SETD5: variants seen among roughly 807,000 people sequenced by gnomAD.
SETD5 encodes the protein SET domain containing 5.
SETD5 carries 44 observed loss-of-function variants against 153.3 expected under a neutral mutation model. The observed-to-expected ratio is 0.29, with a 90% CI of 0.23 to 0.37. The LOEUF (loss-of-function observed/expected upper bound fraction) is 0.37. SETD5 is among the 10% of genes least tolerant of loss of function. The pLI is 1.00. For missense variants in SETD5, 1,544 were observed against 1,768.0 expected (o/e 0.87, Z 2.27); for synonymous variants, 716 against 645.2 (o/e 1.11, Z -1.66).
At chr3:9,420,695 C>T (rs1007737390) in intron 1 of SETD5, among the ~76,000 whole-genome samples, 1 of 152,076 alleles carries the variant, frequency 6.6e-6, no homozygotes, top group Non-Finnish European at 1.5e-5. Flanking sequence ...CATTAACTTG[C>T]TTCAGATTAT....
chr3:9,416,301 T>C (rs2037449359), intron 1 of SETD5, among the ~76,000 whole-genome samples: 1 of 152,210 alleles, frequency 6.6e-6, no homozygotes, highest in Non-Finnish European at 1.5e-5. Flanking sequence ...TCAGTCCTTA[T>C]CTTTAGTACA....
intron 17 of SETD5, among the ~76,000 whole-genome samples, chr3:9,455,179 T>C (rs1465036805): frequency 7.0e-6 from 1 of 143,646 alleles, no homozygotes; most frequent in Non-Finnish European, 1.5e-5. Context: ...TTTTTTTTTT[T>C]TTTTTTTTTT....
chr3:9,423,808 A>C (rs1227705318), intron 1 of SETD5, among the ~76,000 whole-genome samples: 1 of 152,194 alleles, frequency 6.6e-6, no homozygotes, highest in East Asian at 1.9e-4. Flanking sequence ...GCTAGCGTTA[A>C]ATTTGACTTT....
chr3:9,424,073 C>T (rs1017521318), intron 1 of SETD5, among the ~76,000 whole-genome samples: 8 of 151,938 alleles, frequency 5.3e-5, no homozygotes, highest in Non-Finnish European at 7.4e-5. Flanking sequence ...GGACAGTTGT[C>T]GGACATCGGG....
chr3:9,475,168 A>G lies in SETD5; in HGVS notation c.3720+12A>G. On this transcript the variant is annotated intron_variant, in intron 22 of 22. Coordinates refer to ENST00000402198, the MANE Select transcript of SETD5 (RefSeq NM_001080517.3). The stretch of plus-strand genomic sequence containing the variant: ...GATACAGCTACCAGGTGAGATGAGA[A>G]ATTGCTGGTCTCTAGCCATAGGAGT... 1 of 1,570,498 alleles carries G rather than the reference A, an allele frequency of 6.4e-7. No homozygotes were observed.
chr3:9,444,950 A>T, intron 11 of SETD5, 98 bp from the exon 12 acceptor site: 1 of 1,419,552 alleles, frequency 7.0e-7, no homozygotes, highest in South Asian at 1.4e-5. Flanking sequence ...ACAATATCAG[A>T]GGAAGTTACT....
chr3:9,431,236 C>T (rs1440773914), intron 3 of SETD5: 37 of 985,188 alleles, frequency 3.8e-5, no homozygotes, highest in Non-Finnish European at 4.5e-5. Flanking sequence ...CCAACTCTAC[C>T]ATAACAGAAT....
chr3:9,457,682 A>G lies in SETD5; in HGVS notation c.2476+3814A>G, dbSNP rs184448778. On this transcript the variant is annotated intron_variant, in intron 17 of 22. Transcript: ENST00000402198. ...CCTAGGAATAACCTTAGTTGGGTAT[A>G]TGGAGTAAACTGTTACTGAGAAATA... Among the ~76,000 whole-genome samples, 64 of 150,636 alleles carry G rather than the reference A, an allele frequency of 4.2e-4. No homozygotes were observed. In the East Asian group the frequency reaches 9.9e-3, roughly 23 times the overall value.
chr3:9,447,435 T>G, intron 14 of SETD5, 128 bp downstream of exon 14: 5 of 1,324,864 alleles, frequency 3.8e-6, no homozygotes, highest in Non-Finnish European at 5.1e-6. Flanking sequence ...GGCCATTAAC[T>G]GTTTAACTGG....
rs1387332436 is a variant in SETD5, at chr3:9,428,902, G to C, written c.-37G>C. On this transcript the variant is annotated 5_prime_UTR_variant, in exon 3 of 23. Transcript: ENST00000402198. The stretch of plus-strand genomic sequence containing the variant: ...CAGAGTGGTCAGTCTCCATTAATTG[G>C]ACCCCGTGATTTCCAATCTCTGCTG... The C allele has an allele frequency of 1.9e-6, 3 of 1,560,834 alleles. No homozygotes were observed. In the South Asian group the frequency reaches 3.4e-5, roughly 18 times the overall value.
At chr3:9,443,185 A>G (rs1395775620) in intron 10 of SETD5, 123 bp from the exon 11 acceptor site, 17 of 727,570 alleles carry the variant, frequency 2.3e-5, no homozygotes, top group Non-Finnish European at 3.7e-5. Flanking sequence ...ACAGATTACC[A>G]TAACTCCTTA....
chr3:9,445,832 A>C, intron 13 of SETD5, 92 bp downstream of exon 13: 340 of 801,086 alleles, frequency 4.2e-4, no homozygotes, highest in East Asian at 5.5e-4. Context: ...GTATCATCTC[A>C]TTGATTTGAC....
At chr3:9,409,148 A>G (rs1484684885) in intron 1 of SETD5, among the ~76,000 whole-genome samples, 2 of 152,176 alleles carry the variant, frequency 1.3e-5, no homozygotes, top group East Asian at 1.9e-4. Flanking sequence ...AATCTAGAGG[A>G]CTTCAGGCAT....
chr3:9,414,176 A>G (rs2037065352), intron 1 of SETD5, among the ~76,000 whole-genome samples: 1 of 152,216 alleles, frequency 6.6e-6, no homozygotes. Flanking sequence ...AATATTCTAG[A>G]AAAACAGTCA....
intron 2 of SETD5, among the ~76,000 whole-genome samples, chr3:9,426,807 G>A (rs1311755338): frequency 2.0e-5 from 3 of 152,134 alleles, no homozygotes; most frequent in African/African-American, 7.2e-5. Context: ...CAAAGTGCTG[G>A]GATGACAGGA....
intron 1 of SETD5, among the ~76,000 whole-genome samples, chr3:9,404,227 A>G (rs2035296234): frequency 6.6e-6 from 1 of 152,232 alleles, no homozygotes; most frequent in South Asian, 2.1e-4. Flanking sequence ...GGATTAGCAG[A>G]GGAGATGTTT....
Position 9,430,835 on chromosome 3 carries a change from T to TG in SETD5, c.71+1827dup, listed in dbSNP as rs1049073467. On this transcript the variant is annotated intron_variant, in intron 3 of 22. Coordinates refer to ENST00000402198, the MANE Select transcript of SETD5 (RefSeq NM_001080517.3). ...AATAAAAATACTTCTGGTCTACAAA[T>TG]GTGACTGCGCTGTCTCTGTTAACAC... 4.5e-5 allele frequency: 44 copies of TG among 985,424 alleles called. No homozygotes were observed. In the African/African-American group the frequency reaches 7.0e-4, roughly 16 times the overall value. The allele number at this position is 985,424 out of a possible 1,614,324, so 61.0% of individuals were successfully genotyped here.
intron 17 of SETD5, among the ~76,000 whole-genome samples, chr3:9,456,751 G>T (rs138404895): frequency 9.2e-4 from 140 of 152,222 alleles, no homozygotes; most frequent in African/African-American, 3.2e-3. Context: ...GAGGCGGGCA[G>T]ATCACGAGGT....
intron 7 of SETD5, chr3:9,436,840 CT>C (rs2040627982): frequency 1.9e-6 from 3 of 1,549,706 alleles, no homozygotes; most frequent in Admixed American, 2.0e-5. Flanking sequence ...TGTTTTCCTC[CT>C]TGGGATAGGC....
Sources: allele counts gnomAD v4.1 joint callset (sites outside exome capture counted in the v4.1 genomes callset), GRCh38; gene constraint gnomAD v4.1.1; transcripts MANE v1.5; gene names NCBI Gene and HGNC (gene_info 2026-07-23, HGNC 2026-07-21).